PURG: variants seen among roughly 807,000 people sequenced by gnomAD.
PURG encodes the protein purine-rich element-binding protein gamma.
A neutral mutation model predicts 24.3 loss-of-function variants in PURG; 3 were observed. That is an observed-to-expected ratio of 0.12 (90% CI 0.06 to 0.32). PURG has a LOEUF of 0.32. Ranked by LOEUF, PURG falls within the 10% of genes least tolerant of loss-of-function variation. The probability of loss-of-function intolerance (pLI) is 1.00; values close to 1 mark genes in which losing one functional copy is unlikely to be tolerated. For missense variants in PURG, 371 were observed against 439.1 expected, an observed-to-expected ratio of 0.84 and a Z score of 1.39; for synonymous variants, 180 against 173.1, an observed-to-expected ratio of 1.04 and a Z score of -0.31.
At chr8:31,030,731 G>C (rs185988198), downstream of PURG, 1 of 151,684 alleles carries the variant, frequency 6.6e-6, no homozygotes, top group Non-Finnish European at 1.5e-5. Context: ...ATGGTTTTAA[G>C]GGTAGCAATT....
chr8:31,002,773 C>T (rs1048472997), intron 1 of PURG, among the ~76,000 whole-genome samples: 5 of 152,160 alleles, frequency 3.3e-5, no homozygotes, highest in Non-Finnish European at 5.9e-5. Context: ...CGTGAGCCAC[C>T]GTGCCCGGCC....
chr8:30,996,693 G>A, exon 2 of PURG: 1 of 1,604,814 alleles, frequency 6.2e-7, no homozygotes, highest in South Asian at 1.1e-5. Flanking sequence ...GGGGTAATTT[G>A]TGAGCTAAAG....
chr8:31,016,399 GATAA>G (rs1415514472), intron 1 of PURG, among the ~76,000 whole-genome samples: 1 of 150,206 alleles, frequency 6.7e-6, no homozygotes, highest in Admixed American at 6.6e-5. Context: ...TAAATAAATA[GATAA>G]ATAAATACAT....
At chr8:31,024,500 AGGTTGAGTT>A (rs1195045377) in intron 1 of PURG, among the ~76,000 whole-genome samples, 3 of 152,150 alleles carry the variant, frequency 2.0e-5, no homozygotes, top group Non-Finnish European at 2.9e-5. Flanking sequence ...GGTTAAACAG[AGGTTGAGTT>A]TTGAGAATGA....
chr8:31,031,974 T>A lies in PURG; in HGVS notation c.809A>T (p.Asp270Val), dbSNP rs758890151. 1 of 1,614,188 alleles carries A rather than the reference T, an allele frequency of 6.2e-7. No individual in the cohort carries two copies. The highest frequency in any genetic ancestry group is 1.1e-5 in the South Asian group (1 of 91,088). Residue 270 changes from aspartate to valine, a missense_variant, in exon 2 of 2, where the codon GAC becomes GTC. By Grantham distance (152) the Asp-to-Val change is radical. Around this residue, in one of 5 missense-constraint regions of PURG, gnomAD observed 103 missense variants for 127.7 expected, o/e 0.81. Coordinates refer to ENST00000523392, the MANE Select transcript of PURG (RefSeq NM_001323311.2). ...ELPEGTSFRVDNKRFYFDVGS... is the reference protein window; with the variant it reads ...ELPEGTSFRVVNKRFYFDVGS... ...CACATCAAAGTAGAACCTTTTATTG[T>A]CCACTCTGAAAGAAGTCCCCTCTGG...
rs1419075616 is a variant in PURG at position 31,032,248 on chromosome 8, C to T, written c.535G>A (p.Asp179Asn). ...AGGTCTAGGTAATATTTCCTATTGT[C>T]CCTCTCGATATAGTCTGTTTTCAGG... ...SVLKTDYIERDNRKYYLDLKE... is the reference protein window; with the variant it reads ...SVLKTDYIERNNRKYYLDLKE... The change falls in exon 2 of 2, where the codon GAC becomes AAC. Residue 179 changes from aspartate (D) to asparagine (N), a missense_variant. Physicochemically the swap from Asp to Asn is conservative, Grantham distance 23 (BLOSUM62 1). This residue lies in a region of PURG where 213 missense variants were observed against 230.6 expected (regional missense o/e 0.92). Transcript: ENST00000523392. This position sits in a 1 kb window ranked among gnomAD's most constrained non-coding sequence, Gnocchi z 5.9. 3.1e-6 allele frequency: 5 copies of T among 1,614,138 alleles called. No homozygotes were observed. Among genetic ancestry groups the T allele is most frequent in the African/African-American group, 1.3e-5 (1 of 75,038 alleles).
intron 1 of PURG, among the ~76,000 whole-genome samples, chr8:31,009,362 G>C (rs1021568439): frequency 2.6e-5 from 4 of 152,128 alleles, no homozygotes; most frequent in Admixed American, 1.3e-4. Context: ...GGAGGTGGAG[G>C]TTGCAGTGAG....
chr8:30,998,010 A>T (rs1428355575), intron 1 of PURG, among the ~76,000 whole-genome samples: 2 of 151,840 alleles, frequency 1.3e-5, no homozygotes, highest in African/African-American at 2.4e-5. Flanking sequence ...ACAAAATTGA[A>T]TTATAATGGA....
chr8:30,998,040 T>G (rs1158075995), intron 1 of PURG, among the ~76,000 whole-genome samples: 1 of 151,854 alleles, frequency 6.6e-6, no homozygotes, highest in Non-Finnish European at 1.5e-5. Flanking sequence ...TAATTATGAT[T>G]GCCTTTACAT....
chr8:31,022,122 C>T (rs1487306929), intron 1 of PURG, among the ~76,000 whole-genome samples: 2 of 152,114 alleles, frequency 1.3e-5, no homozygotes, highest in African/African-American at 4.8e-5. Flanking sequence ...AGGAGCGTGC[C>T]ACCATGCCTG....
intron 1 of PURG, among the ~76,000 whole-genome samples, chr8:31,016,806 G>A (rs1810881576): frequency 6.6e-6 from 1 of 151,970 alleles, no homozygotes; most frequent in Non-Finnish European, 1.5e-5. Context: ...GAGAATCACT[G>A]GACTAAATTT....
chr8:31,011,439 C>G (rs369948299), intron 1 of PURG, among the ~76,000 whole-genome samples: 165 of 152,214 alleles, frequency 1.1e-3, no homozygotes, highest in South Asian at 3.1e-3. Context: ...ATGAGGAAGA[C>G]AGAATTATTG....
intron 1 of PURG, among the ~76,000 whole-genome samples, chr8:31,025,182 T>C (rs531330633): frequency 6.6e-6 from 1 of 152,056 alleles, no homozygotes; most frequent in African/African-American, 2.4e-5. Flanking sequence ...ACATAAAGTT[T>C]GAAAAATATA....
At position 31,032,464 on chromosome 8, in the gene PURG, G is replaced by C. The variant is rs1020663271; in HGVS notation, c.319C>G (p.Leu107Val). The change falls in exon 2 of 2, where the codon CTC (leucine) becomes GTC (valine). Residue 107 changes from leucine to valine, a missense_variant. Physicochemically the swap from Leu to Val is conservative, Grantham distance 32. This residue lies in a region of PURG where 213 missense variants were observed against 230.6 expected (regional missense o/e 0.92). Transcript: ENST00000523392. The surrounding 1 kb of genome is among the most constrained non-coding windows in gnomAD (Gnocchi z 5.9). The stretch of plus-strand genomic sequence containing the variant: ...AGCTCCGCTGCCACAGACAGGGAGA[G>C]GGTCAGTTTACTCTTTCTGATGTTG... ...QDNIRKSKLTLSLSVAAELKD... is the reference protein window; with the variant it reads ...QDNIRKSKLTVSLSVAAELKD... The C allele has an allele frequency of 1.2e-5, 20 of 1,614,078 alleles. No individual in the cohort carries two copies. Among genetic ancestry groups the C allele is most frequent in the Non-Finnish European group, 1.7e-5 (20 of 1,180,052 alleles).
downstream of PURG, among the ~76,000 whole-genome samples, chr8:31,028,373 A>C (rs1016950402): frequency 3.3e-5 from 5 of 151,836 alleles, no homozygotes; most frequent in African/African-American, 1.2e-4. Flanking sequence ...GATTCTAGCT[A>C]CATAGTTATT....
At position 31,032,822 on chromosome 8, in the gene PURG, G is replaced by C; in HGVS notation, c.-6-34C>G. 7 of 1,342,896 alleles carry C rather than the reference G, an allele frequency of 5.2e-6. No individual in the cohort carries two copies. The highest frequency in any genetic ancestry group is 3.1e-5 in the Admixed American group (1 of 32,070). The allele number at this position is 1,342,896 out of a possible 1,614,324, so 83.2% of individuals were successfully genotyped here. ...AACAAACAGACACACGGGATGGGGTGGGGGAGGGGTGTTGAGAACAATCGC... is the reference window on the plus strand; with the variant it reads ...AACAAACAGACACACGGGATGGGGTCGGGGAGGGGTGTTGAGAACAATCGC... On this transcript the variant is annotated intron_variant, in intron 1 of 1. Transcript: ENST00000523392. The surrounding 1 kb of genome is among the most constrained non-coding windows in gnomAD (Gnocchi z 5.9).
chr8:31,002,375 T>C (rs1810555113), intron 1 of PURG, among the ~76,000 whole-genome samples: 1 of 151,514 alleles, frequency 6.6e-6, no homozygotes, highest in African/African-American at 2.5e-5. Context: ...AAAGGATAGT[T>C]AAATCCCAAA....
chr8:31,013,667 G>C (rs1356923495), intron 1 of PURG, among the ~76,000 whole-genome samples: 3 of 152,178 alleles, frequency 2.0e-5, no homozygotes, highest in Non-Finnish European at 4.4e-5. Context: ...AACCCAGGAG[G>C]CGGAGGTTGC....
At chr8:31,012,705 CA>C (rs1810785508) in intron 1 of PURG, among the ~76,000 whole-genome samples, 3 of 152,200 alleles carry the variant, frequency 2.0e-5, no homozygotes, top group South Asian at 4.1e-4. Context: ...AGCTGGGGTC[CA>C]CAGAGGCTAA....
Sources: gnomAD v4.1 joint callset for allele counts (sites outside exome capture counted in the v4.1 genomes callset) on GRCh38, gnomAD v4.1.1 for gene constraint, gnomAD v4.1.1 regional missense constraint, Gnocchi (gnomAD v3.1) non-coding constraint, MANE v1.5 for transcripts, NCBI Gene and HGNC (gene_info 2026-07-23, HGNC 2026-07-21) for gene names.